FHIT: variants seen among roughly 807,000 people sequenced by gnomAD.
FHIT encodes the protein fragile histidine triad diadenosine triphosphatase, also known as bis(5'-adenosyl)-triphosphatase.
A neutral mutation model predicts 17.9 loss-of-function variants in FHIT; 19 were observed. That is an observed-to-expected ratio of 1.06 (90% confidence interval 0.74 to 1.56). FHIT has a LOEUF of 1.56. FHIT is among the 40% of genes most tolerant of loss of function. The pLI is 0.00. For missense variants in FHIT, 248 were observed against 189.2 expected, an observed-to-expected ratio of 1.31 and a Z score of -1.82; for synonymous variants, 81 against 69.7, an observed-to-expected ratio of 1.16 and a Z score of -0.81.
Position 60,056,032 on chromosome 3 carries a change from A to G in FHIT, c.104-41880T>C, listed in dbSNP as rs1559589460. On this transcript the variant is annotated intron_variant, in intron 5 of 9. Transcript: ENST00000492590. ...GTCTCATTTACGTCCTTTAAAAAAT[A>G]GTCATGACCTGCCCCCTTCACACAC... Among the ~76,000 whole-genome samples the G allele has an allele frequency of 1.3e-5, 2 of 152,204 alleles. 1 individual carries two copies. The highest frequency in any genetic ancestry group is 2.9e-5 in the Non-Finnish European group (2 of 68,042).
intron 3 of FHIT, among the ~76,000 whole-genome samples, chr3:60,923,758 G>A (rs1707415411): frequency 1.3e-5 from 2 of 152,126 alleles, no homozygotes; most frequent in Non-Finnish European, 2.9e-5. Flanking sequence ...AGCAGGGCAA[G>A]GCATCATCTC....
intron 2 of FHIT, among the ~76,000 whole-genome samples, chr3:61,042,861 CT>C (rs927559914): frequency 6.6e-6 from 1 of 151,584 alleles, no homozygotes; most frequent in Non-Finnish European, 1.5e-5. Context: ...AAATTAAACA[CT>C]TTTTTTTAAA....
intron 8 of FHIT, among the ~76,000 whole-genome samples, chr3:59,822,324 T>C (rs1361051052): frequency 1.3e-5 from 2 of 152,234 alleles, no homozygotes; most frequent in Non-Finnish European, 2.9e-5. Context: ...GCAGTGGGAC[T>C]GCTGGATCAA....
At chr3:59,982,918 A>C (rs1448276029) in intron 7 of FHIT, among the ~76,000 whole-genome samples, 1 of 152,074 alleles carries the variant, frequency 6.6e-6, no homozygotes, top group Non-Finnish European at 1.5e-5. Context: ...GGAAAAGATG[A>C]AGTCCTATGC....
At chr3:60,071,737 A>G (rs1476226791) in intron 5 of FHIT, among the ~76,000 whole-genome samples, 3 of 152,142 alleles carry the variant, frequency 2.0e-5, no homozygotes. Flanking sequence ...TCCCCACCCA[A>G]ATCTCATCTT....
At chr3:60,229,289 C>T (rs1054420832) in intron 5 of FHIT, among the ~76,000 whole-genome samples, 5 of 151,946 alleles carry the variant, frequency 3.3e-5, no homozygotes, top group African/African-American at 1.2e-4. Flanking sequence ...TGGTGGTGAG[C>T]ATCTGCAATC....
chr3:61,225,375 A>C (rs543201576), intron 1 of FHIT, among the ~76,000 whole-genome samples: 1 of 152,252 alleles, frequency 6.6e-6, no homozygotes, highest in Admixed American at 6.5e-5. Flanking sequence ...TGAGACCTTA[A>C]CTGGATTAAA....
intron 7 of FHIT, among the ~76,000 whole-genome samples, chr3:59,997,241 T>C (rs929396808): frequency 3.3e-5 from 5 of 152,142 alleles, no homozygotes; most frequent in South Asian, 2.1e-4. Context: ...GCCAAAGGCA[T>C]TGATGATTCT....
chr3:60,270,109 G>C (rs1333753371), intron 5 of FHIT, among the ~76,000 whole-genome samples: 1 of 152,186 alleles, frequency 6.6e-6, no homozygotes, highest in East Asian at 1.9e-4. Flanking sequence ...CATGGGATGA[G>C]GTTGTATCTG....
chr3:60,150,910 C>A (rs1458566823), intron 5 of FHIT, among the ~76,000 whole-genome samples: 1 of 148,098 alleles, frequency 6.8e-6, no homozygotes, highest in African/African-American at 2.5e-5. Context: ...CAGAGCTAGA[C>A]TCCGCCTCAA....
intron 4 of FHIT, among the ~76,000 whole-genome samples, chr3:60,713,764 C>T (rs2041605619): frequency 6.6e-6 from 1 of 152,078 alleles, no homozygotes; most frequent in Non-Finnish European, 1.5e-5. Flanking sequence ...AGACCAATAA[C>T]AGGATCTGAA....
chr3:60,058,731 T>C (rs1575998957), intron 5 of FHIT, among the ~76,000 whole-genome samples: 1 of 152,294 alleles, frequency 6.6e-6, no homozygotes, highest in Non-Finnish European at 1.5e-5. Flanking sequence ...TAGTGACAGC[T>C]AGCAACACTG....
chr3:61,182,183 A>T (rs2038363625), intron 2 of FHIT, among the ~76,000 whole-genome samples: 2 of 152,202 alleles, frequency 1.3e-5, no homozygotes, highest in Admixed American at 1.3e-4. Context: ...TCTGAAGAGG[A>T]TTTCAGAAAT....
chr3:60,169,518 T>C (rs1367547625), intron 5 of FHIT, among the ~76,000 whole-genome samples: 1 of 152,196 alleles, frequency 6.6e-6, no homozygotes, highest in East Asian at 1.9e-4. Context: ...ACAAATTATA[T>C]AAGTCAAAGT....
At chr3:60,085,594 T>A (rs1703461452) in intron 5 of FHIT, among the ~76,000 whole-genome samples, 1 of 152,216 alleles carries the variant, frequency 6.6e-6, no homozygotes, top group Admixed American at 6.5e-5. Flanking sequence ...TGCTACAAGT[T>A]GAATGCCACT....
chr3:61,094,110 A>G (rs2035566203), intron 2 of FHIT, among the ~76,000 whole-genome samples: 1 of 143,656 alleles, frequency 7.0e-6, no homozygotes, highest in South Asian at 2.2e-4. Context: ...ATATACATGT[A>G]TGAATGCAAC....
intron 1 of FHIT, among the ~76,000 whole-genome samples, chr3:61,208,194 T>G (rs2039319763): frequency 6.6e-6 from 1 of 152,116 alleles, no homozygotes; most frequent in Non-Finnish European, 1.5e-5. Flanking sequence ...TTCTTCTAAT[T>G]TCTGTTCTTT....
chr3:59,961,921 T>A (rs1445673780), intron 7 of FHIT, among the ~76,000 whole-genome samples: 2 of 146,720 alleles, frequency 1.4e-5, no homozygotes, highest in Non-Finnish European at 3.0e-5. Context: ...CTGTGGGCTT[T>A]CCTAAGAGAC....
chr3:60,512,473 C>T (rs1447228541), intron 5 of FHIT, among the ~76,000 whole-genome samples: 3 of 152,198 alleles, frequency 2.0e-5, no homozygotes, highest in African/African-American at 7.2e-5. Context: ...AGACTGAACT[C>T]GACCAGCATA....
Sources: gnomAD v4.1 joint callset for allele counts (sites outside exome capture counted in the v4.1 genomes callset) on GRCh38, gnomAD v4.1.1 for gene constraint, MANE v1.5 for transcripts, NCBI Gene and HGNC (gene_info 2026-07-23, HGNC 2026-07-21) for gene names.